Variants in PRKCH observed in about 807,000 individuals in gnomAD.
PRKCH encodes protein kinase C eta.
Under a neutral mutation model 82.5 loss-of-function variants are expected in PRKCH, and 28 were observed. That is an observed-to-expected ratio of 0.34 (90% CI 0.25 to 0.47). PRKCH has a LOEUF of 0.47. PRKCH is among the 20% of genes least tolerant of loss of function. The pLI is 1.00. For missense variants in PRKCH, 705 were observed against 881.8 expected (o/e 0.80, Z 2.54); for synonymous variants, 322 against 327.4 (o/e 0.98, Z 0.18).
chr14:61,218,387 C>T (rs1279547864), intron 1 of PRKCH, among the ~76,000 whole-genome samples: 2 of 152,198 alleles, frequency 1.3e-5, no homozygotes, highest in African/African-American at 4.8e-5. Context: ...TGAGCTACCC[C>T]CTTTCTCACC....
intron 12 of PRKCH, among the ~76,000 whole-genome samples, chr14:61,534,703 G>A (rs141758605): frequency 2.6e-5 from 4 of 152,228 alleles, no homozygotes; most frequent in Admixed American, 6.5e-5. Context: ...TTCCTCATCT[G>A]TAGATGAGGA....
Position 61,280,259 on chromosome 14 carries a change from CGA to C in PRKCH, c.-19+92592_-19+92593del. On this transcript the variant is annotated intron_variant, in intron 1 of 3. Transcript: ENST00000555185. The surrounding 1 kb of genome is among the most constrained non-coding windows in gnomAD (Gnocchi z 5.0). ...CTGAAGATGAGGAGCTTGTGGCCGC[CGA>C]ACGCGCGCACCGGGTAGTTGTAGGT... The C allele has an allele frequency of 1.2e-6, 2 of 1,614,008 alleles. No individual in the cohort carries two copies. The highest frequency in any genetic ancestry group is 1.1e-5 in the South Asian group (1 of 91,084).
At chr14:61,250,940 T>A (rs942044702) in intron 1 of PRKCH, among the ~76,000 whole-genome samples, 25 of 152,190 alleles carry the variant, frequency 1.6e-4, no homozygotes, top group Non-Finnish European at 3.5e-4. Context: ...AAAAAAGATA[T>A]AAAGGAAGCA....
In PRKCH at chr14:61,547,868, G is replaced by T. The variant is rs758082502; in HGVS notation, c.1887G>T (p.Pro629=). 6.8e-6 allele frequency: 11 copies of T among 1,613,690 alleles called. No individual in the cohort carries two copies. Among genetic ancestry groups the T allele is most frequent in the East Asian group, 2.2e-5 (1 of 44,866 alleles). The part of the protein sequence containing the change: ...WAQLNHRQIE[P]PFRPRIKSRE... The stretch of plus-strand genomic sequence containing the variant: ...AGCTGAACCATCGCCAAATAGAACC[G>T]CCTTTCAGACCCAGAATCGTAAGTG... Residue 629 remains proline (P), a synonymous_variant, in exon 13 of 14, where the codon CCG becomes CCT. Transcript: ENST00000332981.
chr14:61,399,578 T>C (rs1881488400), intron 2 of PRKCH, among the ~76,000 whole-genome samples: 1 of 152,226 alleles, frequency 6.6e-6, no homozygotes, highest in Admixed American at 6.5e-5. Context: ...ATTCCTTTTG[T>C]TCCGTCATAA....
chr14:61,237,952 G>T (rs1409127442), intron 1 of PRKCH, among the ~76,000 whole-genome samples: 4 of 152,174 alleles, frequency 2.6e-5, no homozygotes, highest in Non-Finnish European at 4.4e-5. Flanking sequence ...AACTGTATTG[G>T]TTACAGCTTG....
intron 9 of PRKCH, among the ~76,000 whole-genome samples, chr14:61,474,344 AC>A (rs1442691656): frequency 6.6e-6 from 1 of 152,210 alleles, no homozygotes; most frequent in Non-Finnish European, 1.5e-5. Context: ...GTTTCTGATG[AC>A]TGTTCCCCTT....
chr14:61,189,675 T>C (rs2044395128), intron 1 of PRKCH, among the ~76,000 whole-genome samples: 1 of 151,990 alleles, frequency 6.6e-6, no homozygotes, highest in African/African-American at 2.4e-5. Context: ...GAGTGTATGT[T>C]ACTTGATTTT....
intron 2 of PRKCH, among the ~76,000 whole-genome samples, chr14:61,419,567 C>G (rs1376985350): frequency 1.3e-5 from 2 of 152,208 alleles, no homozygotes; most frequent in African/African-American, 4.8e-5. Context: ...AGTTGAGAAT[C>G]AATGCAATAT....
intron 1 of PRKCH, among the ~76,000 whole-genome samples, chr14:61,374,037 G>A (rs1211122476): frequency 6.6e-6 from 1 of 152,130 alleles, no homozygotes; most frequent in Non-Finnish European, 1.5e-5. Context: ...AGATGCAATG[G>A]GGGTACAGGC....
intron 1 of PRKCH, among the ~76,000 whole-genome samples, chr14:61,220,408 T>C (rs192817005): frequency 1.4e-3 from 208 of 152,310 alleles, no homozygotes; most frequent in African/African-American, 4.8e-3. Flanking sequence ...TCATCCCTCA[T>C]GCTAGTTAGG....
chr14:61,244,555 T>C (rs2044864899), intron 1 of PRKCH, among the ~76,000 whole-genome samples: 1 of 152,146 alleles, frequency 6.6e-6, no homozygotes, highest in African/African-American at 2.4e-5. Context: ...CAAATGCCCC[T>C]CTCTAGTGCT....
At chr14:61,544,666 AG>A (rs1237814351) in intron 12 of PRKCH, 1 of 152,216 alleles carries the variant, frequency 6.6e-6, no homozygotes, top group Non-Finnish European at 1.5e-5. Context: ...GGCAGACTGT[AG>A]GATCTCAGTA....
intron 12 of PRKCH, among the ~76,000 whole-genome samples, chr14:61,531,060 C>T (rs2043038901): frequency 6.6e-6 from 1 of 152,192 alleles, no homozygotes; most frequent in Admixed American, 6.5e-5. Flanking sequence ...GTTTTCCAAA[C>T]CTCTGCAGAT....
intron 1 of PRKCH, among the ~76,000 whole-genome samples, chr14:61,302,182 T>A (rs951128992): frequency 6.6e-6 from 1 of 152,240 alleles, no homozygotes; most frequent in Non-Finnish European, 1.5e-5. Context: ...TTCCTTATTA[T>A]TCTATTAATA....
At chr14:61,245,038 CTG>C (rs1187872416) in intron 1 of PRKCH, among the ~76,000 whole-genome samples, 1 of 152,216 alleles carries the variant, frequency 6.6e-6, no homozygotes, top group Non-Finnish European at 1.5e-5. Flanking sequence ...CCCTTGAAGA[CTG>C]TTATGTACCC....
chr14:61,486,212 G>A (rs1489428159), intron 10 of PRKCH, among the ~76,000 whole-genome samples: 7 of 152,092 alleles, frequency 4.6e-5, no homozygotes. Context: ...CATTTGAAGT[G>A]AATCCCTTAA....
chr14:61,347,089 C>T (rs903427734), intron 1 of PRKCH, among the ~76,000 whole-genome samples: 7 of 152,038 alleles, frequency 4.6e-5, no homozygotes, highest in African/African-American at 1.7e-4. Context: ...TGCAAGTTGA[C>T]GGGTGGGGAC....
chr14:61,230,462 A>G (rs958915896), intron 1 of PRKCH, among the ~76,000 whole-genome samples: 1 of 152,178 alleles, frequency 6.6e-6, no homozygotes, highest in Non-Finnish European at 1.5e-5. Flanking sequence ...AAAGGGAAAA[A>G]CTGTAATGTG....
Sources: allele counts gnomAD v4.1 joint callset (sites outside exome capture counted in the v4.1 genomes callset), GRCh38; gene constraint gnomAD v4.1.1; non-coding constraint Gnocchi (gnomAD v3.1); transcripts MANE v1.5; gene names NCBI Gene and HGNC (gene_info 2026-07-23, HGNC 2026-07-21).